COL5A2: variants seen among roughly 807,000 people sequenced by gnomAD.
The protein encoded by COL5A2 is collagen alpha-2(V) chain.
In COL5A2, 23 loss-of-function variants were observed where a neutral mutation model predicts 208.2. The ratio of observed to expected loss-of-function variants is 0.11; its 90% confidence interval spans 0.08 to 0.16. The LOEUF is 0.16. Among genes scored for constraint, COL5A2 ranks in the 10% least tolerant of loss-of-function variants. The pLI is 1.00. For synonymous variants in COL5A2, 625 were observed against 628.5 expected (o/e 0.99, Z 0.08); for missense variants, 1,590 against 1,956.4 (o/e 0.81, Z 3.53).
At chr2:189,105,490 C>T (rs1687131218) in intron 2 of COL5A2, among the ~76,000 whole-genome samples, 1 of 151,308 alleles carries the variant, frequency 6.6e-6, no homozygotes, top group Non-Finnish European at 1.5e-5. Flanking sequence ...ATTGAAAAAT[C>T]ATTTGTATTT....
the COL5A2 span, among the ~76,000 whole-genome samples, chr2:189,412,543 C>A: frequency 6.6e-6 from 1 of 152,174 alleles, no homozygotes; most frequent in Non-Finnish European, 1.5e-5. Flanking sequence ...TCCTTTGCTG[C>A]CACCATGTGG....
the COL5A2 span, among the ~76,000 whole-genome samples, chr2:189,385,324 C>T: frequency 6.6e-6 from 1 of 152,030 alleles, no homozygotes; most frequent in South Asian, 2.1e-4. Flanking sequence ...TATTTTTATA[C>T]ACCAATAACA....
chr2:189,160,113 C>A (rs1424134507), intron 1 of COL5A2, among the ~76,000 whole-genome samples: 1 of 151,940 alleles, frequency 6.6e-6, no homozygotes, highest in Non-Finnish European at 1.5e-5. Flanking sequence ...ATTGAGAGAG[C>A]CCTGAAATAG....
chr2:189,400,023 A>G, the COL5A2 span, among the ~76,000 whole-genome samples: 3 of 152,180 alleles, frequency 2.0e-5, no homozygotes, highest in Non-Finnish European at 2.9e-5. Context: ...AAAGTCAACT[A>G]TCAGATTTAT....
the COL5A2 span, among the ~76,000 whole-genome samples, chr2:189,399,633 T>TA: frequency 6.6e-6 from 1 of 152,162 alleles, no homozygotes; most frequent in African/African-American, 2.4e-5. Flanking sequence ...TTTAGAACTT[T>TA]GAGTTATAGT....
In COL5A2 at chr2:189,078,554, G is replaced by A. The variant is rs538602187; in HGVS notation, c.1021C>T (p.Pro341Ser). 3.1e-5 allele frequency: 50 copies of A among 1,612,484 alleles called. 3 individuals are homozygous for A. The South Asian group carries it at 4.9e-4, about 16-fold the overall frequency. The change falls in exon 16 of 54, where the codon CCA becomes TCA. Residue 341 changes from proline to serine, a missense_variant. Pro to Ser is a moderately conservative substitution (Grantham distance 74). Coordinates refer to ENST00000374866, the MANE Select transcript of COL5A2 (RefSeq NM_000393.5). ...GGCCCAAGTCTCCCTCTCTCTCCTG[G>A]CATTCCCCTCGGACCCTATAGACGA... ...AMGPLGPRGM[P>S]GERGRLGPQG...
At chr2:189,126,341 A>C (rs1296164242) in intron 1 of COL5A2, among the ~76,000 whole-genome samples, 2 of 152,040 alleles carry the variant, frequency 1.3e-5, no homozygotes, top group Non-Finnish European at 2.9e-5. Flanking sequence ...GTTGTGATTA[A>C]ACCCAAAGTA....
intron 1 of COL5A2, among the ~76,000 whole-genome samples, chr2:189,177,405 A>T (rs556368378): frequency 1.1e-4 from 16 of 152,322 alleles, no homozygotes; most frequent in African/African-American, 3.6e-4. Flanking sequence ...TACAATATCA[A>T]CTTAAACCAA....
chr2:189,370,036 T>C, the COL5A2 span, among the ~76,000 whole-genome samples: 1 of 152,334 alleles, frequency 6.6e-6, no homozygotes, highest in South Asian at 2.1e-4. Flanking sequence ...TGCTTTACAT[T>C]TTTTGACTCA....
chr2:189,311,418 T>C, the COL5A2 span: 3 of 1,120,932 alleles, frequency 2.7e-6, no homozygotes, highest in Non-Finnish European at 4.0e-6. Flanking sequence ...CGGCGGTAGG[T>C]GGTGATCTCA....
upstream of COL5A2, among the ~76,000 whole-genome samples, chr2:189,184,417 A>G (rs912646005): frequency 6.6e-6 from 1 of 152,180 alleles, no homozygotes; most frequent in Non-Finnish European, 1.5e-5. Flanking sequence ...CTAATATCTT[A>G]TATTTCAGAA....
chr2:189,263,803 C>T, the COL5A2 span, among the ~76,000 whole-genome samples: 163 of 152,138 alleles, frequency 1.1e-3, no homozygotes, highest in Middle Eastern at 3.4e-3. Context: ...AGGTTTGTAT[C>T]CTACGTGTGT....
At chr2:189,157,228 A>G (rs1472623136) in intron 1 of COL5A2, among the ~76,000 whole-genome samples, 2 of 149,892 alleles carry the variant, frequency 1.3e-5, no homozygotes. Flanking sequence ...TAAGACTTAT[A>G]GATCATATTT....
chr2:189,212,738 G>T (rs900121279), intron 1 of COL5A2, among the ~76,000 whole-genome samples: 1 of 151,696 alleles, frequency 6.6e-6, no homozygotes, highest in Admixed American at 6.6e-5. Context: ...TGGTAGATGG[G>T]CAATAGAGAC....
chr2:189,096,804 G>C (rs1394677241), intron 6 of COL5A2, among the ~76,000 whole-genome samples: 1 of 152,112 alleles, frequency 6.6e-6, no homozygotes, highest in African/African-American at 2.4e-5. Flanking sequence ...CTAGTAATGG[G>C]ATTGCTGATT....
intron 1 of COL5A2, among the ~76,000 whole-genome samples, chr2:189,133,402 T>C (rs1334570716): frequency 6.6e-6 from 1 of 152,038 alleles, no homozygotes; most frequent in East Asian, 1.9e-4. Context: ...ATTACAAGCG[T>C]GAGCCACCAC....
At chr2:189,274,254 G>A in the COL5A2 span, among the ~76,000 whole-genome samples, 2 of 152,016 alleles carry the variant, frequency 1.3e-5, no homozygotes, top group African/African-American at 2.4e-5. Flanking sequence ...ACTCTGGTAC[G>A]ACACTGATAG....
At chr2:189,392,580 T>G in the COL5A2 span, among the ~76,000 whole-genome samples, 1 of 152,148 alleles carries the variant, frequency 6.6e-6, no homozygotes, top group African/African-American at 2.4e-5. Flanking sequence ...TCATCTTACT[T>G]TATCACCAAG....
chr2:189,397,592 AATTT>A, the COL5A2 span, among the ~76,000 whole-genome samples: 1 of 142,912 alleles, frequency 7.0e-6, no homozygotes, highest in African/African-American at 2.5e-5. Context: ...TATATTTTCA[AATTT>A]ATTAGTAAAA....
Sources: allele counts gnomAD v4.1 joint callset (sites outside exome capture counted in the v4.1 genomes callset), GRCh38; gene constraint gnomAD v4.1.1; transcripts MANE v1.5; gene names NCBI Gene and HGNC (gene_info 2026-07-23, HGNC 2026-07-21).